Variants in OSTN observed in about 807,000 individuals in gnomAD.
OSTN encodes the protein osteocrin.
Under a neutral mutation model 12.0 loss-of-function variants are expected in OSTN, and 9 were observed. The observed-to-expected ratio is 0.75, with a 90% CI of 0.45 to 1.30. OSTN has a LOEUF of 1.30. Ranked by LOEUF, OSTN falls within the 50% of genes most tolerant of loss-of-function variation. The probability of loss-of-function intolerance (pLI) is 0.00; values close to 1 mark genes in which losing one functional copy is unlikely to be tolerated. For synonymous variants in OSTN, 59 were observed against 56.9 expected, an observed-to-expected ratio of 1.04 and a Z score of -0.16; for missense variants, 148 against 152.3, an observed-to-expected ratio of 0.97 and a Z score of 0.15.
At chr3:191,205,804 C>A (rs9843668) in intron 1 of OSTN, among the ~76,000 whole-genome samples, 33,310 of 152,048 alleles carry the variant, frequency 0.22, 4,415 homozygotes, top group Middle Eastern at 0.49. Flanking sequence ...TCTGGAACCT[C>A]AGTTCTAACA....
intron 3 of OSTN, among the ~76,000 whole-genome samples, chr3:191,221,153 T>G (rs892194231): frequency 2.6e-5 from 4 of 152,184 alleles, no homozygotes; most frequent in African/African-American, 9.7e-5. Context: ...GACATGTTTA[T>G]TTCCCCTTCT....
intron 3 of OSTN, among the ~76,000 whole-genome samples, chr3:191,233,444 T>C (rs1241496774): frequency 6.6e-6 from 1 of 152,170 alleles, no homozygotes; most frequent in East Asian, 1.9e-4. Flanking sequence ...GTTTTCTTTT[T>C]TTCGTTTTTT....
intron 3 of OSTN, among the ~76,000 whole-genome samples, chr3:191,232,567 C>T (rs1263700925): frequency 6.7e-6 from 1 of 149,630 alleles, no homozygotes; most frequent in African/African-American, 2.5e-5. Flanking sequence ...TGGAGTCTCA[C>T]TCTGTTGCCT....
intron 2 of OSTN, among the ~76,000 whole-genome samples, chr3:191,212,872 T>C (rs1031831052): frequency 2.3e-5 from 3 of 131,158 alleles, no homozygotes; most frequent in South Asian, 2.6e-4. Flanking sequence ...TCTTTCTTTT[T>C]TTTTTTTTTT....
intron 4 of OSTN, among the ~76,000 whole-genome samples, chr3:191,255,790 G>A (rs1584933): frequency 0.46 from 69,874 of 151,380 alleles, 18,034 homozygotes; most frequent in African/African-American, 0.7. Context: ...AAATGATTTC[G>A]GTTTTCTGTT....
chr3:191,201,732 T>C (rs554546597), intron 1 of OSTN, among the ~76,000 whole-genome samples: 3 of 152,200 alleles, frequency 2.0e-5, no homozygotes, highest in Non-Finnish European at 4.4e-5. Flanking sequence ...CTATATTTTC[T>C]ATCACTCTGC....
chr3:191,241,122 C>T (rs185106927), intron 3 of OSTN, among the ~76,000 whole-genome samples: 67 of 143,500 alleles, frequency 4.7e-4, no homozygotes, highest in Middle Eastern at 3.8e-3. Flanking sequence ...TCTGTTTTCT[C>T]TCATTTTGGA....
At chr3:191,245,105 T>C (rs2108549115) in intron 3 of OSTN, among the ~76,000 whole-genome samples, 1 of 152,350 alleles carries the variant, frequency 6.6e-6, no homozygotes, top group East Asian at 1.9e-4. Flanking sequence ...AGCTTTTATC[T>C]ATAGAAATAA....
At chr3:191,201,278 C>G (rs867065572) in intron 1 of OSTN, among the ~76,000 whole-genome samples, 3 of 151,992 alleles carry the variant, frequency 2.0e-5, no homozygotes, top group African/African-American at 7.3e-5. Flanking sequence ...CTCTCTCTTC[C>G]TCTTCAACAA....
At chr3:191,222,098 T>C (rs1364379138) in intron 3 of OSTN, among the ~76,000 whole-genome samples, 3 of 152,208 alleles carry the variant, frequency 2.0e-5, no homozygotes, top group Non-Finnish European at 4.4e-5. Context: ...TTTTAGAGGA[T>C]GTGTGGAAAT....
chr3:191,221,497 A>G (rs1014451580), intron 3 of OSTN, among the ~76,000 whole-genome samples: 3 of 152,206 alleles, frequency 2.0e-5, no homozygotes, highest in East Asian at 1.9e-4. Flanking sequence ...AGGTGGTCTC[A>G]GGTGGAGATG....
Position 191,263,020 on chromosome 3 carries a change from G to T in OSTN, c.*167G>T. On this transcript the variant is annotated 3_prime_UTR_variant, in exon 5 of 5. Coordinates refer to ENST00000682035, the MANE Select transcript of OSTN (RefSeq NM_198184.2). ...TCCATCACATTACAGCATTGTTACA[G>T]CTTCAATTAAATTGTGTAAATCATT... The T allele has an allele frequency of 1.7e-6, 1 of 574,056 alleles. No individual in the cohort carries two copies. Among genetic ancestry groups the T allele is most frequent in the Non-Finnish European group, 3.2e-6 (1 of 317,264 alleles). The allele number at this position is 574,056 out of a possible 1,614,324, so 35.6% of individuals were successfully genotyped here. A position where few individuals can be genotyped will look rare whatever the true frequency, so the allele number is the denominator to read the frequency against.
intron 3 of OSTN, among the ~76,000 whole-genome samples, chr3:191,241,964 A>G (rs1040045692): frequency 1.3e-5 from 2 of 152,222 alleles, no homozygotes; most frequent in Non-Finnish European, 2.9e-5. Context: ...CTACAGATAG[A>G]AAATTCCTAC....
rs1715837454 is a variant in OSTN at position 191,262,621 on chromosome 3, T to C, written c.*13-245T>C. Among the ~76,000 whole-genome samples, 4 of 152,366 alleles carry C rather than the reference T, an allele frequency of 2.6e-5. No individual in the cohort carries two copies. In the South Asian group the frequency reaches 8.3e-4, roughly 32 times the overall value. Reference sequence around the variant, plus strand: ...GAGCTGTGAAAAAGACTTTTTATAATTTTTATTAAAACTTGAGCATACGCA... The same window carrying C: ...GAGCTGTGAAAAAGACTTTTTATAACTTTTATTAAAACTTGAGCATACGCA... On this transcript the variant is annotated intron_variant, in intron 4 of 4. Transcript: ENST00000682035.
chr3:191,233,734 C>A (rs1715118553), intron 3 of OSTN, among the ~76,000 whole-genome samples: 1 of 152,148 alleles, frequency 6.6e-6, no homozygotes, highest in South Asian at 2.1e-4. Flanking sequence ...TGGCTCATGC[C>A]CTTAATCCCA....
Position 191,212,530 on chromosome 3 carries a change from T to C in OSTN, c.1-3T>C. ...TGCTAACTATGACATATGTAACCCTTAGATGCTGGACTGGAGATTGGCAAG... is the reference window on the plus strand; with the variant it reads ...TGCTAACTATGACATATGTAACCCTCAGATGCTGGACTGGAGATTGGCAAG... On this transcript the variant is annotated splice_region_variant and splice_polypyrimidine_tract_variant and intron_variant, in intron 1 of 4. Coordinates refer to ENST00000682035, the MANE Select transcript of OSTN (RefSeq NM_198184.2). The C allele has an allele frequency of 6.4e-7, 1 of 1,572,122 alleles. No individual in the cohort carries two copies. The highest frequency in any genetic ancestry group is 8.7e-7 in the Non-Finnish European group (1 of 1,151,976).
chr3:191,215,909 C>T (rs988220670), intron 2 of OSTN, among the ~76,000 whole-genome samples: 1 of 152,196 alleles, frequency 6.6e-6, no homozygotes, highest in Non-Finnish European at 1.5e-5. Context: ...CTGTGGCCCA[C>T]TTCTCACAGC....
chr3:191,200,172 C>T (rs571772399), intron 1 of OSTN, among the ~76,000 whole-genome samples: 1 of 152,202 alleles, frequency 6.6e-6, no homozygotes, highest in South Asian at 2.1e-4. Flanking sequence ...ACACCAGGGA[C>T]ATTCTGTGTT....
At chr3:191,243,249 A>G (rs1289889608) in intron 3 of OSTN, among the ~76,000 whole-genome samples, 1 of 152,242 alleles carries the variant, frequency 6.6e-6, no homozygotes, top group Non-Finnish European at 1.5e-5. Flanking sequence ...ATATGACACT[A>G]TGTAATAAAA....
Sources: gnomAD v4.1 joint callset for allele counts (sites outside exome capture counted in the v4.1 genomes callset) on GRCh38, gnomAD v4.1.1 for gene constraint, MANE v1.5 for transcripts, NCBI Gene and HGNC (gene_info 2026-07-23, HGNC 2026-07-21) for gene names.